RTF1: variants seen among roughly 807,000 people sequenced by gnomAD.
The protein encoded by RTF1 is RNA polymerase-associated protein RTF1 homolog.
A neutral mutation model predicts 95.7 loss-of-function variants in RTF1; 10 were observed. The ratio of observed to expected loss-of-function variants is 0.10; its 90% CI spans 0.06 to 0.18. RTF1 has a LOEUF of 0.18. RTF1 is among the 10% of genes least tolerant of loss of function. The pLI is 1.00. For synonymous variants in RTF1, 305 were observed against 311.8 expected, an observed-to-expected ratio of 0.98 and a Z score of 0.23; for missense variants, 458 against 875.6, an observed-to-expected ratio of 0.52 and a Z score of 6.02.
rs34660598 is a variant in RTF1 at position 41,449,227 on chromosome 15, A to ATTTTTTTTTTTT, written c.310-3664_310-3653dup. On this transcript the variant is annotated intron_variant, in intron 2 of 17. Transcript: ENST00000389629. ...TTGTCCCTGTTGTGGAGGCAGGTGA[A>ATTTTTTTTTTTT]TTTTTTTTTTTTTTTTTTTTTGAGA... Among the ~76,000 whole-genome samples, 630 of 109,254 alleles carry ATTTTTTTTTTTT rather than the reference A, an allele frequency of 5.8e-3. 35 individuals are homozygous for ATTTTTTTTTTTT. The highest frequency in any genetic ancestry group is 0.023 in the African/African-American group (604 of 26,364). 71.7% of individuals were successfully genotyped at this position (109,254 alleles called of 152,430 possible).
intron 2 of RTF1, among the ~76,000 whole-genome samples, chr15:41,451,634 CT>C (rs1249066640): frequency 2.6e-5 from 4 of 152,278 alleles, no homozygotes; most frequent in African/African-American, 9.6e-5. Flanking sequence ...ATGTACTTTA[CT>C]TTCTGCCTCT....
chr15:41,474,540 T>C, intron 8 of RTF1, 80 bp from the exon 9 acceptor site: 1 of 990,672 alleles, frequency 1.0e-6, no homozygotes, highest in Non-Finnish European at 1.6e-6. Context: ...TGCGTTCAGG[T>C]AGAGAGACGC....
At chr15:41,451,154 G>C (rs770812786) in intron 2 of RTF1, among the ~76,000 whole-genome samples, 27 of 152,142 alleles carry the variant, frequency 1.8e-4, no homozygotes, top group Middle Eastern at 6.8e-3. Flanking sequence ...TGAAATAGGA[G>C]GTTAATTTCT....
At chr15:41,426,803 G>T (rs2050634922) in intron 1 of RTF1, among the ~76,000 whole-genome samples, 1 of 138,996 alleles carries the variant, frequency 7.2e-6, no homozygotes, top group African/African-American at 2.6e-5. Context: ...GTGTGTGTGT[G>T]TGTGTGTGTG....
intron 1 of RTF1, among the ~76,000 whole-genome samples, chr15:41,427,511 C>T (rs2050641860): frequency 1.3e-5 from 2 of 151,986 alleles, no homozygotes; most frequent in African/African-American, 4.8e-5. Flanking sequence ...CCCAGCTATT[C>T]ATTCAAAATA....
intron 4 of RTF1, among the ~76,000 whole-genome samples, chr15:41,460,283 C>T (rs1045996113): frequency 1.3e-4 from 19 of 151,932 alleles, no homozygotes; most frequent in African/African-American, 4.1e-4. Context: ...CCACAACGCC[C>T]GGCTAATTTT....
At chr15:41,435,520 A>G (rs2050697598) in intron 1 of RTF1, among the ~76,000 whole-genome samples, 1 of 152,096 alleles carries the variant, frequency 6.6e-6, no homozygotes, top group South Asian at 2.1e-4. Context: ...TGTTGATATA[A>G]TTTGCATTTG....
At chr15:41,422,798 C>T (rs750435122) in intron 1 of RTF1, among the ~76,000 whole-genome samples, 47 of 151,980 alleles carry the variant, frequency 3.1e-4, no homozygotes, top group Non-Finnish European at 5.7e-4. Flanking sequence ...TTTTTTGAGA[C>T]GGAGTCTCGC....
intron 2 of RTF1, among the ~76,000 whole-genome samples, chr15:41,441,374 T>C (rs2050735187): frequency 6.6e-6 from 1 of 152,174 alleles, no homozygotes. Context: ...TGAATATGTG[T>C]TATGCCTGGA....
chr15:41,469,089 C>A (rs2050896366), intron 6 of RTF1, among the ~76,000 whole-genome samples: 1 of 151,946 alleles, frequency 6.6e-6, no homozygotes, highest in Non-Finnish European at 1.5e-5. Context: ...CCACCTCAGC[C>A]TCTTGAGTAG....
intron 1 of RTF1, among the ~76,000 whole-genome samples, chr15:41,436,287 TA>T (rs746306495): frequency 0.1 from 9,547 of 95,202 alleles, 329 homozygotes; most frequent in East Asian, 0.19. Context: ...CCGTCTCTAC[TA>T]AAAAAAAAAA....
intron 4 of RTF1, among the ~76,000 whole-genome samples, chr15:41,458,628 A>G (rs1417700403): frequency 2.0e-5 from 3 of 151,782 alleles, no homozygotes; most frequent in African/African-American, 4.8e-5. Context: ...GTGCACCCGT[A>G]GTCCCAGCTA....
chr15:41,417,192 A>G lies in RTF1; in HGVS notation c.77A>G (p.Glu26Gly). ...AVAVPLAGGQ[E>G]GSPGGGRRGS... Reference sequence around the variant, plus strand: ...GCGGTCCCACTGGCAGGCGGGCAAGAGGGGAGTCCGGGCGGCGGCCGGCGT... The same window carrying G: ...GCGGTCCCACTGGCAGGCGGGCAAGGGGGGAGTCCGGGCGGCGGCCGGCGT... Residue 26 changes from glutamate (E) to glycine (G), a missense_variant, in exon 1 of 18, where the codon GAG (glutamate) becomes GGG (glycine). Physicochemically the swap from Glu to Gly is moderately conservative, Grantham distance 98. This residue lies in a region of RTF1 where 81 missense variants were observed against 59.9 expected (regional missense o/e 1.35). Coordinates refer to ENST00000389629, the MANE Select transcript of RTF1 (RefSeq NM_015138.5). The G allele has an allele frequency of 1.6e-6, 2 of 1,263,874 alleles. No individual in the cohort carries two copies. The highest frequency in any genetic ancestry group is 2.0e-6 in the Non-Finnish European group (2 of 999,944). The allele number at this position is 1,263,874 out of a possible 1,614,324, so 78.3% of individuals were successfully genotyped here. A position where few individuals can be genotyped will look rare whatever the true frequency, so the allele number is the denominator to read the frequency against.
rs551676271 is a variant in RTF1 at position 41,453,499 on chromosome 15, G to A, written c.457+451G>A. ...TCAACACTTTGGGAGGCCAAGGTGG[G>A]AGGATCGCTTGAGCCCAGGAGTTCA... On this transcript the variant is annotated intron_variant, in intron 3 of 17. Transcript: ENST00000389629. Among the ~76,000 whole-genome samples, 251 of 152,246 alleles carry A rather than the reference G, an allele frequency of 1.6e-3. 1 individual carries two copies. Among genetic ancestry groups the A allele is most frequent in the African/African-American group, 5.8e-3 (243 of 41,554 alleles).
intron 16 of RTF1, 77 bp downstream of exon 16, chr15:41,479,275 G>A: frequency 3.0e-6 from 3 of 1,012,054 alleles, no homozygotes; most frequent in Non-Finnish European, 3.0e-6. Context: ...TGTCTAGTTT[G>A]GGCTTGATTT....
intron 7 of RTF1, among the ~76,000 whole-genome samples, chr15:41,470,807 C>T (rs1487906545): frequency 3.3e-5 from 5 of 151,856 alleles, no homozygotes; most frequent in South Asian, 2.1e-4. Flanking sequence ...TATAGGCGCC[C>T]GCCACTACGC....
chr15:41,433,933 C>T (rs892390541), intron 1 of RTF1, among the ~76,000 whole-genome samples: 5 of 150,594 alleles, frequency 3.3e-5, no homozygotes, highest in Non-Finnish European at 7.4e-5. Context: ...GCAACCTCTG[C>T]CTCCCAGGTT....
At chr15:41,476,996 T>C (rs2050944892) in intron 12 of RTF1, among the ~76,000 whole-genome samples, 169 bp from the exon 13 acceptor site, 1 of 152,244 alleles carries the variant, frequency 6.6e-6, no homozygotes, top group African/African-American at 2.4e-5. Flanking sequence ...ACTACTATAA[T>C]ATAAATTATA....
rs55996061 is a variant in RTF1 at position 41,440,968 on chromosome 15, C to CTTT, written c.309+2556_309+2558dup. Among the ~76,000 whole-genome samples, 298 of 115,424 alleles carry CTTT rather than the reference C, an allele frequency of 2.6e-3. 4 individuals are homozygous for CTTT. The highest frequency in any genetic ancestry group is 3.0e-3 in the Non-Finnish European group (170 of 56,228). The allele number at this position is 115,424 out of a possible 152,430, so 75.7% of individuals were successfully genotyped here. On this transcript the variant is annotated intron_variant, in intron 2 of 17. Coordinates refer to ENST00000389629, the MANE Select transcript of RTF1 (RefSeq NM_015138.5). ...TAATTTTCTCTCCCACTAGTCCCCT[C>CTTT]TTTTTTTTTTTTTTTTTTTTTGAGA...
Sources: allele counts gnomAD v4.1 joint callset (sites outside exome capture counted in the v4.1 genomes callset), GRCh38; gene constraint gnomAD v4.1.1; regional missense constraint gnomAD v4.1.1; transcripts MANE v1.5; gene names NCBI Gene and HGNC (gene_info 2026-07-23, HGNC 2026-07-21).